GABRA5: variants seen among roughly 807,000 people sequenced by gnomAD.
The protein encoded by GABRA5 is gamma-aminobutyric acid receptor subunit alpha-5.
Under a neutral mutation model 47.3 loss-of-function variants are expected in GABRA5, and 18 were observed. The observed-to-expected ratio is 0.38, with a 90% CI of 0.26 to 0.56. GABRA5 has a LOEUF of 0.56. Ranked by LOEUF, GABRA5 falls within the 20% of genes least tolerant of loss-of-function variation. The pLI, the probability that GABRA5 is intolerant of heterozygous loss-of-function variation, is 0.71. For synonymous variants in GABRA5, 237 were observed against 229.3 expected (o/e 1.03, Z -0.30); for missense variants, 365 against 599.3 (o/e 0.61, Z 4.08).
intron 10 of GABRA5, among the ~76,000 whole-genome samples, chr15:26,947,117 C>T (rs536941045): frequency 2.6e-4 from 40 of 152,316 alleles, no homozygotes; most frequent in African/African-American, 8.9e-4. Context: ...TATTCCCTCC[C>T]GCTGGTGCAC....
At chr15:26,897,647 G>A (rs1490831314) in intron 6 of GABRA5, among the ~76,000 whole-genome samples, 1 of 152,170 alleles carries the variant, frequency 6.6e-6, no homozygotes, top group Non-Finnish European at 1.5e-5. Flanking sequence ...AGGAGTACAA[G>A]TTGCCCCTTG....
At chr15:26,911,709 G>A (rs1893598499) in intron 6 of GABRA5, among the ~76,000 whole-genome samples, 1 of 152,104 alleles carries the variant, frequency 6.6e-6, no homozygotes, top group Non-Finnish European at 1.5e-5. Context: ...CACGTCTGGT[G>A]CCTGCAATGG....
chr15:26,945,395 C>T (rs1894487326), intron 10 of GABRA5, among the ~76,000 whole-genome samples: 1 of 152,220 alleles, frequency 6.6e-6, no homozygotes, highest in African/African-American at 2.4e-5. Context: ...CAGAAGCAAA[C>T]ACTGGGTCAG....
At chr15:26,927,295 G>A (rs933652629) in intron 7 of GABRA5, among the ~76,000 whole-genome samples, 1 of 136,344 alleles carries the variant, frequency 7.3e-6, no homozygotes, top group African/African-American at 2.7e-5. Context: ...TGTATTTTTA[G>A]TAGAGTTGGG....
intron 4 of GABRA5, among the ~76,000 whole-genome samples, chr15:26,881,390 A>G (rs77458959): frequency 1.3e-3 from 199 of 152,310 alleles, no homozygotes; most frequent in African/African-American, 4.5e-3. Flanking sequence ...CTTTTCAGAA[A>G]TCCACTGTGG....
intron 7 of GABRA5, among the ~76,000 whole-genome samples, chr15:26,928,620 C>G (rs999984637): frequency 6.6e-6 from 1 of 152,130 alleles, no homozygotes; most frequent in African/African-American, 2.4e-5. Context: ...GCTCTCCCGT[C>G]CCTTCTGCCA....
chr15:26,927,693 A>T (rs529902121), intron 7 of GABRA5, among the ~76,000 whole-genome samples: 1 of 152,350 alleles, frequency 6.6e-6, no homozygotes, highest in East Asian at 1.9e-4. Context: ...CTAAAAATAG[A>T]TGCTTGGCCA....
chr15:26,935,684 C>G (rs1473647168), intron 7 of GABRA5, among the ~76,000 whole-genome samples: 1 of 152,216 alleles, frequency 6.6e-6, no homozygotes, highest in Non-Finnish European at 1.5e-5. Context: ...GTCTCATGTC[C>G]TCAGTCTGCC....
chr15:26,918,836 G>A (rs1003227450), intron 7 of GABRA5, among the ~76,000 whole-genome samples: 1 of 151,988 alleles, frequency 6.6e-6, no homozygotes, highest in Non-Finnish European at 1.5e-5. Flanking sequence ...GTCTATGTGT[G>A]TCCTTAAATC....
intron 7 of GABRA5, among the ~76,000 whole-genome samples, chr15:26,925,807 C>A (rs969039981): frequency 1.3e-5 from 2 of 152,098 alleles, no homozygotes; most frequent in African/African-American, 4.8e-5. Flanking sequence ...TGTTTTTAAG[C>A]CAGTTAACTT....
intron 9 of GABRA5, among the ~76,000 whole-genome samples, chr15:26,941,837 A>G (rs539344257): frequency 3.9e-5 from 6 of 152,284 alleles, no homozygotes; most frequent in African/African-American, 1.2e-4. Flanking sequence ...AAGGTTCCCC[A>G]TTTTATAAGG....
At chr15:26,911,190 A>G (rs1214772521) in intron 6 of GABRA5, among the ~76,000 whole-genome samples, 1 of 148,666 alleles carries the variant, frequency 6.7e-6, no homozygotes, top group Non-Finnish European at 1.5e-5. Flanking sequence ...GGGGCTCTAT[A>G]AAATTGGGAG....
chr15:26,867,831 T>G lies in GABRA5; in HGVS notation c.-140+720T>G, dbSNP rs1892357640. On this transcript the variant is annotated intron_variant, in intron 1 of 10. Coordinates refer to ENST00000335625, the MANE Select transcript of GABRA5 (RefSeq NM_000810.4). This position sits in a 1 kb window ranked among gnomAD's most constrained non-coding sequence, Gnocchi z 5.9. The stretch of plus-strand genomic sequence containing the variant: ...GTCGCGCGCGTGTCGCGCGGGCTGC[T>G]CGAGGCCAGGGGACTTGGAGTCGCT... The G allele has an allele frequency of 6.6e-6, 1 of 152,006 alleles. No individual in the cohort carries two copies. Among genetic ancestry groups the G allele is most frequent in the African/African-American group, 2.4e-5 (1 of 41,394 alleles). 9.4% of individuals were successfully genotyped at this position (152,006 alleles called of 1,614,324 possible).
intron 3 of GABRA5, among the ~76,000 whole-genome samples, chr15:26,875,399 A>T (rs1177512446): frequency 6.6e-6 from 1 of 152,224 alleles, no homozygotes; most frequent in Admixed American, 6.5e-5. Context: ...AGATGCACAG[A>T]GCAGAGCAGG....
rs537299030 is a variant in GABRA5 at position 26,899,442 on chromosome 15, C to A, written c.498-15361C>A. 2.0e-5 allele frequency among the ~76,000 whole-genome samples: 3 copies of A among 152,196 alleles called. No homozygotes were observed. In the South Asian group the frequency reaches 6.2e-4, roughly 32 times the overall value. On this transcript the variant is annotated intron_variant, in intron 6 of 10. Transcript: ENST00000335625. ...TGTTGGATAGAGTGTTCTATATATG[C>A]CTGTTAAGTCCATTTGCTTTATAGT... is the stretch of plus-strand genomic sequence containing the variant.
intron 10 of GABRA5, 81 bp downstream of exon 10, chr15:26,943,507 G>T: frequency 7.8e-7 from 1 of 1,280,508 alleles, no homozygotes; most frequent in East Asian, 2.5e-5. Flanking sequence ...ATGAGACAAG[G>T]TGCTGCTCCT....
intron 8 of GABRA5, among the ~76,000 whole-genome samples, chr15:26,938,674 C>T (rs1894305270): frequency 6.6e-6 from 1 of 152,234 alleles, no homozygotes; most frequent in Non-Finnish European, 1.5e-5. Flanking sequence ...TCTGCCTCTT[C>T]TTTGCCCATT....
intron 4 of GABRA5, among the ~76,000 whole-genome samples, chr15:26,882,633 G>A (rs1431386254): frequency 6.6e-6 from 1 of 152,140 alleles, no homozygotes; most frequent in Non-Finnish European, 1.5e-5. Context: ...AGTTCGAAAC[G>A]CTACATAAAG....
intron 3 of GABRA5, chr15:26,877,632 TG>T (rs1339573843): frequency 6.6e-6 from 3 of 455,348 alleles, no homozygotes; most frequent in Non-Finnish European, 8.8e-6. Context: ...GCACCCGTGG[TG>T]GAATGACAAT....
Sources: gnomAD v4.1 joint callset for allele counts (sites outside exome capture counted in the v4.1 genomes callset) on GRCh38, gnomAD v4.1.1 for gene constraint, Gnocchi (gnomAD v3.1) non-coding constraint, MANE v1.5 for transcripts, NCBI Gene and HGNC (gene_info 2026-07-23, HGNC 2026-07-21) for gene names.